The following CNOT4 variants were observed in gnomAD, a reference collection of about 807,000 sequenced individuals.
The protein encoded by CNOT4 is CCR4-associated factor 4.
A neutral mutation model predicts 73.8 loss-of-function variants in CNOT4; 8 were observed. That is an observed-to-expected ratio of 0.11 (90% CI 0.06 to 0.20). The LOEUF (loss-of-function observed/expected upper bound fraction) is 0.20, where lower values mean the gene tolerates loss of function less well. CNOT4 is among the 10% of genes least tolerant of loss of function. The probability of loss-of-function intolerance (pLI) is 1.00; values close to 1 mark genes in which losing one functional copy is unlikely to be tolerated. For missense variants in CNOT4, 564 were observed against 883.4 expected, an observed-to-expected ratio of 0.64 and a Z score of 4.58; for synonymous variants, 293 against 321.1, an observed-to-expected ratio of 0.91 and a Z score of 0.94.
intron 1 of CNOT4, among the ~76,000 whole-genome samples, chr7:135,455,948 G>C (rs1301682131): frequency 6.6e-6 from 1 of 152,162 alleles, no homozygotes; most frequent in Non-Finnish European, 1.5e-5. Flanking sequence ...CTTAATTGTG[G>C]GATGGAAACT....
intron 1 of CNOT4, among the ~76,000 whole-genome samples, chr7:135,506,184 GA>G (rs1382812419): frequency 6.6e-6 from 1 of 152,140 alleles, no homozygotes; most frequent in Non-Finnish European, 1.5e-5. Context: ...TAAAATCTCA[GA>G]ATGTGTTAAA....
chr7:135,471,974 A>T (rs1370918365), intron 1 of CNOT4, among the ~76,000 whole-genome samples: 1 of 151,286 alleles, frequency 6.6e-6, no homozygotes, highest in African/African-American at 2.4e-5. Flanking sequence ...GGAGTTCCAG[A>T]CCTGCCTGGG....
rs1317567485 is a variant in CNOT4 at position 135,510,038 on chromosome 7, T to G, written c.-242A>C. On this transcript the variant is annotated 5_prime_UTR_variant, in exon 1 of 12. Coordinates refer to ENST00000541284, the MANE Select transcript of CNOT4 (RefSeq NM_001190850.2). ...CGACCTTTACGGCTGAGAGAGAGAC[T>G]CTCAGCTTTCGGTGGGTTCCACAGC... 1 of 398,934 alleles carries G rather than the reference T, an allele frequency of 2.5e-6. No individual in the cohort carries two copies. The highest frequency in any genetic ancestry group is 4.4e-5 in the Admixed American group (1 of 22,724). The allele number at this position is 398,934 out of a possible 1,614,324, so 24.7% of individuals were successfully genotyped here.
At chr7:135,470,137 G>T (rs532469774) in intron 1 of CNOT4, among the ~76,000 whole-genome samples, 54 of 146,792 alleles carry the variant, frequency 3.7e-4, no homozygotes, top group East Asian at 1.6e-3. Flanking sequence ...GTGTTTTTTT[G>T]GGGGGGGAGG....
intron 7 of CNOT4, among the ~76,000 whole-genome samples, chr7:135,407,435 C>A (rs1797354527): frequency 6.6e-6 from 1 of 152,158 alleles, no homozygotes; most frequent in Admixed American, 6.5e-5. Context: ...ATTAAAAATA[C>A]TTATCTCAAG....
chr7:135,409,347 C>A (rs1255416336), intron 7 of CNOT4, among the ~76,000 whole-genome samples: 1 of 152,028 alleles, frequency 6.6e-6, no homozygotes, highest in Non-Finnish European at 1.5e-5. Context: ...TTATTCTTAG[C>A]TTTGATATAA....
chr7:135,384,945 A>G (rs1239510145), intron 10 of CNOT4, among the ~76,000 whole-genome samples: 1 of 152,202 alleles, frequency 6.6e-6, no homozygotes, highest in African/African-American at 2.4e-5. Context: ...TGAAAGTTAC[A>G]TTTTTAAAGA....
intron 1 of CNOT4, among the ~76,000 whole-genome samples, chr7:135,493,410 T>G (rs150786620): frequency 6.6e-6 from 1 of 152,274 alleles, no homozygotes; most frequent in African/African-American, 2.4e-5. Flanking sequence ...AATATTTAAT[T>G]GCCAATGTAT....
In CNOT4 at chr7:135,443,009, T is replaced by C. The variant is rs574706802; in HGVS notation, c.-92-4586A>G. 5.9e-5 allele frequency among the ~76,000 whole-genome samples: 9 copies of C among 152,048 alleles called. 1 individual carries two copies. The South Asian group carries it at 1.5e-3, about 25-fold the overall frequency. On this transcript the variant is annotated intron_variant, in intron 1 of 11. Coordinates refer to ENST00000541284, the MANE Select transcript of CNOT4 (RefSeq NM_001190850.2). ...AGGAGGTCGCGGCTGTAGTGAGCCA[T>C]GTTCACGCCACTGTACTCTAGCCTG...
intron 7 of CNOT4, among the ~76,000 whole-genome samples, chr7:135,403,028 T>C (rs1459376924): frequency 6.6e-6 from 1 of 152,194 alleles, no homozygotes; most frequent in Non-Finnish European, 1.5e-5. Context: ...TTTTTCTGCT[T>C]ACCAAATTCA....
intron 1 of CNOT4, among the ~76,000 whole-genome samples, chr7:135,490,052 A>G (rs982096361): frequency 6.6e-6 from 1 of 152,128 alleles, no homozygotes; most frequent in African/African-American, 2.4e-5. Flanking sequence ...GTAGTATATA[A>G]CTCCTCTAGA....
chr7:135,488,516 A>C (rs768809811), intron 1 of CNOT4, among the ~76,000 whole-genome samples: 1 of 152,188 alleles, frequency 6.6e-6, no homozygotes, highest in Non-Finnish European at 1.5e-5. Context: ...CCCAGCCTAA[A>C]CTGAAATCTT....
chr7:135,379,847 C>T (rs541329173), intron 10 of CNOT4, among the ~76,000 whole-genome samples: 133 of 152,236 alleles, frequency 8.7e-4, no homozygotes, highest in African/African-American at 3.1e-3. Flanking sequence ...ACATATAACA[C>T]GACAATGTTT....
At chr7:135,442,627 A>T (rs1188869120) in intron 1 of CNOT4, among the ~76,000 whole-genome samples, 1 of 152,186 alleles carries the variant, frequency 6.6e-6, no homozygotes, top group Non-Finnish European at 1.5e-5. Context: ...AATAAAATAA[A>T]ACAATGCATT....
chr7:135,444,504 G>A (rs1799695760), intron 1 of CNOT4: 2 of 914,686 alleles, frequency 2.2e-6, no homozygotes, highest in African/African-American at 1.6e-5. Flanking sequence ...AGGAGGTCGA[G>A]CTCTGTTGCT....
At chr7:135,436,147 T>C (rs1003188510) in intron 2 of CNOT4, among the ~76,000 whole-genome samples, 14 of 98 alleles carry the variant, frequency 0.14, no homozygotes, top group Non-Finnish European at 0.32. Flanking sequence ...CTTTTATTCA[T>C]ATCAAGCTTG....
chr7:135,414,647 T>C (rs964292864), intron 4 of CNOT4, among the ~76,000 whole-genome samples: 10 of 152,100 alleles, frequency 6.6e-5, no homozygotes. Context: ...AAGAATACTG[T>C]AATATATGTG....
At chr7:135,480,217 C>A (rs926436371) in intron 1 of CNOT4, among the ~76,000 whole-genome samples, 1 of 152,182 alleles carries the variant, frequency 6.6e-6, no homozygotes, top group Non-Finnish European at 1.5e-5. Context: ...TTTTATGCCA[C>A]CTAGGGTTTT....
chr7:135,488,759 G>A (rs1012417041), intron 1 of CNOT4, among the ~76,000 whole-genome samples: 5 of 152,022 alleles, frequency 3.3e-5, no homozygotes, highest in Admixed American at 2.0e-4. Context: ...ATTATAGAAT[G>A]TATCATTATT....
Sources: allele counts gnomAD v4.1 joint callset (sites outside exome capture counted in the v4.1 genomes callset), GRCh38; gene constraint gnomAD v4.1.1; transcripts MANE v1.5; gene names NCBI Gene and HGNC (gene_info 2026-07-23, HGNC 2026-07-21).